Variants in DAAM1 observed in about 807,000 individuals in gnomAD.
DAAM1 encodes disheveled-associated activator of morphogenesis 1.
Under a neutral mutation model 130.0 loss-of-function variants are expected in DAAM1, and 52 were observed. That is an observed-to-expected ratio of 0.40 (90% CI 0.32 to 0.50). The LOEUF (loss-of-function observed/expected upper bound fraction) is 0.50. Among genes scored for constraint, DAAM1 ranks in the 20% least tolerant of loss-of-function variants. The pLI is 0.61. For synonymous variants in DAAM1, 452 were observed against 444.5 expected (o/e 1.02, Z -0.21); for missense variants, 1,134 against 1,303.8 (o/e 0.87, Z 2.01).
At chr14:59,218,803 A>C (rs1418575077) in intron 1 of DAAM1, among the ~76,000 whole-genome samples, 1 of 152,186 alleles carries the variant, frequency 6.6e-6, no homozygotes, top group African/African-American at 2.4e-5. Context: ...TTTGTTAGCT[A>C]TCTTTACCCT....
intron 2 of DAAM1, among the ~76,000 whole-genome samples, chr14:59,287,536 T>A (rs970458724): frequency 6.6e-6 from 1 of 152,310 alleles, no homozygotes; most frequent in South Asian, 2.1e-4. Flanking sequence ...CCCCATAGAC[T>A]CTGCCAGAAG....
At chr14:59,314,288 G>T (rs189672457) in intron 3 of DAAM1, among the ~76,000 whole-genome samples, 2 of 152,302 alleles carry the variant, frequency 1.3e-5, no homozygotes, top group Non-Finnish European at 2.9e-5. Context: ...CCACTAGGGT[G>T]GGATATCCAT....
intron 3 of DAAM1, among the ~76,000 whole-genome samples, chr14:59,300,630 C>T (rs1884133540): frequency 6.6e-6 from 1 of 152,068 alleles, no homozygotes; most frequent in Non-Finnish European, 1.5e-5. Flanking sequence ...ATGCTAATAA[C>T]ATTTTACCAT....
At chr14:59,324,307 T>C (rs1271342339) in intron 7 of DAAM1, 44 bp from the exon 8 acceptor site, 5 of 1,481,700 alleles carry the variant, frequency 3.4e-6, no homozygotes, top group Non-Finnish European at 3.6e-6. Flanking sequence ...TATTATGTAG[T>C]CTAAAAACCA....
intron 3 of DAAM1, chr14:59,299,848 G>T (rs1007112089): frequency 6.6e-6 from 1 of 152,080 alleles, no homozygotes; most frequent in Admixed American, 6.6e-5. Flanking sequence ...GAAGTCTCTG[G>T]TCCAGAGAAA....
At chr14:59,322,360 T>A (rs1000784058) in intron 5 of DAAM1, among the ~76,000 whole-genome samples, 3 of 151,322 alleles carry the variant, frequency 2.0e-5, no homozygotes, top group African/African-American at 7.3e-5. Flanking sequence ...AAAAAAAAGT[T>A]AAAAAGAAAA....
intron 1 of DAAM1, among the ~76,000 whole-genome samples, chr14:59,235,341 G>A (rs1490265128): frequency 6.6e-6 from 1 of 152,122 alleles, no homozygotes; most frequent in Non-Finnish European, 1.5e-5. Flanking sequence ...GGTCTATTCA[G>A]GGATTCGACT....
chr14:59,204,126 A>G (rs1888191659), intron 1 of DAAM1, among the ~76,000 whole-genome samples: 1 of 152,236 alleles, frequency 6.6e-6, no homozygotes, highest in Non-Finnish European at 1.5e-5. Context: ...TTATTACTGC[A>G]TAATACATTA....
chr14:59,257,879 A>G (rs1051476779), intron 1 of DAAM1, among the ~76,000 whole-genome samples: 1 of 151,994 alleles, frequency 6.6e-6, no homozygotes, highest in African/African-American at 2.4e-5. Flanking sequence ...CTCTTCCCCA[A>G]CACTTTGCAG....
chr14:59,367,446 G>T lies in DAAM1; in HGVS notation c.2844G>T (p.Lys948Asn). ...EAKDLFTKAV[K>N]HFGEEAGKIQ... ...TTTCCTAGTTTACTAAAGCAGTGAA[G>T]CACTTTGGGGAAGAGGCTGGCAAAA... The change falls in exon 24 of 25, where the codon AAG (lysine) becomes AAT (asparagine). Residue 948 changes from lysine to asparagine, a missense_variant. Physicochemically the swap from Lys to Asn is moderately conservative, Grantham distance 94. Coordinates refer to ENST00000360909, the MANE Select transcript of DAAM1 (RefSeq NM_001270520.2). 6.2e-7 allele frequency: 1 copy of T among 1,610,606 alleles called. No individual in the cohort carries two copies. Among genetic ancestry groups the T allele is most frequent in the South Asian group, 1.1e-5 (1 of 90,492 alleles).
chr14:59,236,512 G>A (rs940918140), intron 1 of DAAM1, among the ~76,000 whole-genome samples: 3 of 151,962 alleles, frequency 2.0e-5, no homozygotes, highest in African/African-American at 7.2e-5. Context: ...ATTTTTGCAT[G>A]GCTGTCTTCT....
At chr14:59,324,756 GT>G (rs1401834406) in intron 8 of DAAM1, among the ~76,000 whole-genome samples, 5 of 152,160 alleles carry the variant, frequency 3.3e-5, no homozygotes, top group African/African-American at 1.2e-4. Context: ...GAATTTTGCT[GT>G]TTTTATAACT....
chr14:59,339,993 C>A, intron 15 of DAAM1, 81 bp from the exon 16 acceptor site: 1 of 1,268,666 alleles, frequency 7.9e-7, no homozygotes. Context: ...TGTATATGAA[C>A]AACAATGTAA....
chr14:59,340,745 A>G (rs1429353297), intron 16 of DAAM1, among the ~76,000 whole-genome samples: 1 of 152,254 alleles, frequency 6.6e-6, no homozygotes, highest in Non-Finnish European at 1.5e-5. Context: ...GGAACTTGAA[A>G]AGAAGAAAGG....
chr14:59,339,411 G>A lies in DAAM1; in HGVS notation c.1969-663G>A, dbSNP rs548209872. ...AGTATATTATACATATTTTTGGTCTGTTCCACCTGAAATTATAACTGGCCA... is the reference window on the plus strand; with the variant it reads ...AGTATATTATACATATTTTTGGTCTATTCCACCTGAAATTATAACTGGCCA... On this transcript the variant is annotated intron_variant, in intron 15 of 24. Coordinates refer to ENST00000360909, the MANE Select transcript of DAAM1 (RefSeq NM_001270520.2). 2.0e-5 allele frequency among the ~76,000 whole-genome samples: 3 copies of A among 152,238 alleles called. No individual in the cohort carries two copies. The East Asian group carries it at 5.8e-4, about 29-fold the overall frequency.
intron 3 of DAAM1, among the ~76,000 whole-genome samples, chr14:59,305,309 G>A (rs1884334954): frequency 6.6e-6 from 1 of 152,128 alleles, no homozygotes; most frequent in Admixed American, 6.5e-5. Context: ...AGGGGAATGT[G>A]GGGTTGTATC....
intron 2 of DAAM1, among the ~76,000 whole-genome samples, chr14:59,272,816 G>A (rs569317390): frequency 1.3e-5 from 2 of 152,260 alleles, no homozygotes; most frequent in African/African-American, 4.8e-5. Context: ...GCTTAAATGT[G>A]TGCAGTGCTA....
rs80314888 is a variant in DAAM1, at chr14:59,260,786, C to T, written c.-37-2655C>T. On this transcript the variant is annotated intron_variant, in intron 1 of 24. Transcript: ENST00000360909. ...CCTTCAGAAATGTAGAACTGAATTT[C>T]AGCTATCAGTAGCAGTGGGTGTACT... is the stretch of plus-strand genomic sequence containing the variant. 2.8e-4 allele frequency among the ~76,000 whole-genome samples: 43 copies of T among 152,306 alleles called. 1 individual carries two copies. The East Asian group carries it at 8.1e-3, about 29-fold the overall frequency.
At chr14:59,360,625 C>A in intron 21 of DAAM1, 177 bp from the exon 22 acceptor site, 1 of 424,246 alleles carries the variant, frequency 2.4e-6, no homozygotes, top group Non-Finnish European at 4.1e-6. Flanking sequence ...AATTTTATAC[C>A]TACATTTCAT....
Sources: allele counts gnomAD v4.1 joint callset (sites outside exome capture counted in the v4.1 genomes callset), GRCh38; gene constraint gnomAD v4.1.1; transcripts MANE v1.5; gene names NCBI Gene and HGNC (gene_info 2026-07-23, HGNC 2026-07-21).